The following ATAD5 variants were observed in gnomAD, a reference collection of about 807,000 sequenced individuals.
ATAD5 encodes ATPase family AAA domain containing 5, also known as ATPase family AAA domain-containing protein 5.
A neutral mutation model predicts 176.9 loss-of-function variants in ATAD5; 58 were observed. The ratio of observed to expected loss-of-function variants is 0.33; its 90% CI spans 0.27 to 0.41. ATAD5 has a LOEUF of 0.41. Among genes scored for constraint, ATAD5 ranks in the 10% least tolerant of loss-of-function variants. ATAD5 has a pLI of 1.00. For synonymous variants in ATAD5, 640 were observed against 712.6 expected, an observed-to-expected ratio of 0.90 and a Z score of 1.62; for missense variants, 1,789 against 2,094.1, an observed-to-expected ratio of 0.85 and a Z score of 2.84.
At chr17:30,840,524 T>A in intron 3 of ATAD5, 93 bp from the exon 4 acceptor site, 1 of 924,678 alleles carries the variant, frequency 1.1e-6, no homozygotes, top group Non-Finnish European at 1.5e-6. Context: ...TCTTTGTTGA[T>A]TATTTAATGT....
Position 30,835,541 on chromosome 17 carries a change from A to G in ATAD5, c.1460A>G (p.Asp487Gly). ...KLKKKNKKTL[D>G]TGAIPGKNRE... Reference sequence around the variant, plus strand: ...AAGAAGAAGAATAAGAAAACATTAGATACTGGGGCTATTCCAGGCAAAAAC... The same window carrying G: ...AAGAAGAAGAATAAGAAAACATTAGGTACTGGGGCTATTCCAGGCAAAAAC... The change falls in exon 2 of 23, where the codon GAT becomes GGT. Residue 487 changes from aspartate (D) to glycine (G), a missense_variant. Coordinates refer to ENST00000321990, the MANE Select transcript of ATAD5 (RefSeq NM_024857.5). 3 of 1,611,006 alleles carry G rather than the reference A, an allele frequency of 1.9e-6. No individual in the cohort carries two copies. The highest frequency in any genetic ancestry group is 3.4e-5 in the Admixed American group (2 of 59,436).
rs1368674187 is a variant in ATAD5 at position 30,832,389 on chromosome 17, T to G, written c.42T>G (p.Pro14=). The change falls in exon 1 of 23, where the codon CCT becomes CCG. Residue 14 remains proline, a synonymous_variant. Coordinates refer to ENST00000321990, the MANE Select transcript of ATAD5 (RefSeq NM_024857.5). The part of the protein sequence containing the change: ...VLAMAAAAAP[P]PVKDCEIEPC... ...CCATGGCGGCTGCAGCTGCTCCGCCTCCCGTGAAGGACTGCGAGATTGAGG... is the reference window on the plus strand; with the variant it reads ...CCATGGCGGCTGCAGCTGCTCCGCCGCCCGTGAAGGACTGCGAGATTGAGG... 1 of 1,562,434 alleles carries G rather than the reference T, an allele frequency of 6.4e-7. No individual in the cohort carries two copies. The highest frequency in any genetic ancestry group is 1.8e-5 in the Admixed American group (1 of 54,474).
chr17:30,888,026 G>C (rs1909414953), intron 19 of ATAD5, among the ~76,000 whole-genome samples: 1 of 151,360 alleles, frequency 6.6e-6, no homozygotes, highest in African/African-American at 2.4e-5. Context: ...GTAGAGATGG[G>C]GTTTCATTAT....
At chr17:30,856,825 A>T in intron 7 of ATAD5, 130 bp from the exon 8 acceptor site, 1 of 775,842 alleles carries the variant, frequency 1.3e-6, no homozygotes, top group Non-Finnish European at 1.9e-6. Context: ...TTCCCTTTAT[A>T]GTCATGTGGT....
rs1245190792 is a variant in ATAD5, at chr17:30,892,796, C to T, written c.4440+8C>T. 1 of 1,524,324 alleles carries T rather than the reference C, an allele frequency of 6.6e-7. No homozygotes were observed. The highest frequency in any genetic ancestry group is 8.8e-7 in the Non-Finnish European group (1 of 1,132,976). The allele number at this position is 1,524,324 out of a possible 1,614,324, so 94.4% of individuals were successfully genotyped here. On this transcript the variant is annotated splice_region_variant and intron_variant, in intron 20 of 22. Transcript: ENST00000321990. ...TTATTTTCATTTTTAAAGGTATTTT[C>T]AATGTCTGTTTTGCAATGTTGAATT... is the stretch of plus-strand genomic sequence containing the variant.
chr17:30,844,415 G>A (rs965406304), intron 5 of ATAD5, among the ~76,000 whole-genome samples: 1 of 152,118 alleles, frequency 6.6e-6, no homozygotes, highest in Non-Finnish European at 1.5e-5. Context: ...ACAGGCATGA[G>A]CCACTGCACC....
intron 18 of ATAD5, among the ~76,000 whole-genome samples, chr17:30,881,782 C>T (rs1296069405): frequency 2.0e-5 from 3 of 151,844 alleles, no homozygotes; most frequent in South Asian, 2.1e-4. Flanking sequence ...GATGTGGTAG[C>T]GCACACCTGT....
At chr17:30,836,280 G>A (rs1351834995) in intron 2 of ATAD5, among the ~76,000 whole-genome samples, 2 of 151,756 alleles carry the variant, frequency 1.3e-5, no homozygotes, top group African/African-American at 4.8e-5. Context: ...CCAGGTTCAA[G>A]CAATTCTCCT....
intron 14 of ATAD5, among the ~76,000 whole-genome samples, chr17:30,873,251 A>C (rs1312297176): frequency 6.6e-6 from 1 of 151,756 alleles, no homozygotes; most frequent in African/African-American, 2.4e-5. Flanking sequence ...CTGGCATGTC[A>C]GGATGTCCCA....
At chr17:30,838,245 T>A (rs1423082003) in intron 3 of ATAD5, among the ~76,000 whole-genome samples, 2 of 152,220 alleles carry the variant, frequency 1.3e-5, no homozygotes, top group African/African-American at 4.8e-5. Context: ...GTCCCCACCA[T>A]GGCAGAATTG....
In ATAD5 at chr17:30,857,101, TCTG is replaced by T; in HGVS notation, c.2789_2791del (p.Ala930del). The stretch of plus-strand genomic sequence containing the variant: ...GAATTCAAAGTTGAAAAGCGGTAAC[TCTG>T]CTGCTGTGGTAAGTATTAAATAGTT... On this transcript the variant is annotated inframe_deletion, in exon 8 of 23. Transcript: ENST00000321990. 1 of 1,610,682 alleles carries T rather than the reference TCTG, an allele frequency of 6.2e-7. No individual in the cohort carries two copies. Among genetic ancestry groups the T allele is most frequent in the Non-Finnish European group, 8.5e-7 (1 of 1,179,346 alleles).
At chr17:30,892,212 G>T (rs1003991726) in intron 19 of ATAD5, among the ~76,000 whole-genome samples, 12 of 151,528 alleles carry the variant, frequency 7.9e-5, no homozygotes, top group Non-Finnish European at 1.3e-4. Context: ...ATCACTCGAG[G>T]TCAAGAGTTC....
intron 14 of ATAD5, 77 bp from the exon 15 acceptor site, chr17:30,876,297 C>T (rs1349902076): frequency 3.1e-6 from 4 of 1,292,638 alleles, no homozygotes; most frequent in Non-Finnish European, 4.2e-6. Flanking sequence ...AGTAGAAATA[C>T]AGAATGTGGC....
intron 17 of ATAD5, 74 bp from the exon 18 acceptor site, chr17:30,879,349 T>C: frequency 6.6e-7 from 1 of 1,520,018 alleles, no homozygotes; most frequent in Non-Finnish European, 9.0e-7. Flanking sequence ...CATAGAAAAG[T>C]ATAACTTGAA....
At chr17:30,876,702 C>CTTTT (rs202065630) in intron 15 of ATAD5, 152 bp downstream of exon 15, 20 of 127,766 alleles carry the variant, frequency 1.6e-4, no homozygotes, top group Non-Finnish European at 2.6e-4. Flanking sequence ...ATTTTGTTTC[C>CTTTT]TTTTTTTTTT....
At chr17:30,843,356 TA>T (rs1214912363) in intron 4 of ATAD5, among the ~76,000 whole-genome samples, 1 of 149,094 alleles carries the variant, frequency 6.7e-6, no homozygotes, top group Admixed American at 6.7e-5. Context: ...TGTCACAATT[TA>T]AAAAAACACA....
At chr17:30,870,233 C>T (rs907310791) in intron 14 of ATAD5, among the ~76,000 whole-genome samples, 2 of 152,228 alleles carry the variant, frequency 1.3e-5, no homozygotes, top group African/African-American at 4.8e-5. Flanking sequence ...TCATATCTTA[C>T]ATTTGATTCA....
Position 30,895,686 on chromosome 17 carries a change from G to C in ATAD5, c.*773G>C, listed in dbSNP as rs536249461. 6.6e-6 allele frequency: 1 copy of C among 151,738 alleles called. No homozygotes were observed. The highest frequency in any genetic ancestry group is 1.5e-5 in the Non-Finnish European group (1 of 68,006). The allele number at this position is 151,738 out of a possible 1,614,324, so 9.4% of individuals were successfully genotyped here. A position where few individuals can be genotyped will look rare whatever the true frequency, so the allele number is the denominator to read the frequency against. ...CTCCCAAAGTGCTGGGATCACAGGC[G>C]TGAGCCACCTCACCTGGCCTATATT... On this transcript the variant is annotated 3_prime_UTR_variant, in exon 23 of 23. Coordinates refer to ENST00000321990, the MANE Select transcript of ATAD5 (RefSeq NM_024857.5).
intron 1 of ATAD5, among the ~76,000 whole-genome samples, chr17:30,833,071 C>G (rs1196564782): frequency 6.6e-6 from 1 of 152,212 alleles, no homozygotes; most frequent in Non-Finnish European, 1.5e-5. Context: ...AGCATTCTAA[C>G]TGAAGCATGT....
Sources: allele counts gnomAD v4.1 joint callset (sites outside exome capture counted in the v4.1 genomes callset), GRCh38; gene constraint gnomAD v4.1.1; transcripts MANE v1.5; gene names NCBI Gene and HGNC (gene_info 2026-07-23, HGNC 2026-07-21).